The following SEC24D variants were observed in gnomAD, a reference collection of about 807,000 sequenced individuals.
The protein encoded by SEC24D is protein transport protein Sec24D.
Under a neutral mutation model 116.9 loss-of-function variants are expected in SEC24D, and 69 were observed. The ratio of observed to expected loss-of-function variants is 0.59; its 90% CI spans 0.49 to 0.72. The LOEUF is 0.72. Among genes scored for constraint, SEC24D ranks in the 30% least tolerant of loss-of-function variants. SEC24D has a pLI of 0.00. For missense variants in SEC24D, 1,131 were observed against 1,264.1 expected, an observed-to-expected ratio of 0.89 and a Z score of 1.60; for synonymous variants, 405 against 442.8, an observed-to-expected ratio of 0.91 and a Z score of 1.07.
chr4:118,791,228 G>T (rs1728879925), intron 8 of SEC24D, among the ~76,000 whole-genome samples: 1 of 152,152 alleles, frequency 6.6e-6, no homozygotes, highest in South Asian at 2.1e-4. Flanking sequence ...CGTTAAGTTT[G>T]AGGTTTCTAT....
intron 8 of SEC24D, among the ~76,000 whole-genome samples, chr4:118,783,288 C>T (rs1439502808): frequency 6.6e-6 from 1 of 152,184 alleles, no homozygotes. Context: ...ATCAGGCCTG[C>T]CCTGAATACC....
chr4:118,808,812 T>C (rs1729779902), intron 6 of SEC24D, among the ~76,000 whole-genome samples: 1 of 152,086 alleles, frequency 6.6e-6, no homozygotes, highest in Admixed American at 6.5e-5. Context: ...TCTGGGTTCA[T>C]AAAACAGAAT....
At chr4:118,780,627 C>A (rs544947981) in intron 8 of SEC24D, among the ~76,000 whole-genome samples, 9 of 152,246 alleles carry the variant, frequency 5.9e-5, no homozygotes, top group African/African-American at 2.2e-4. Context: ...CTGCTTGGTG[C>A]AGAGCTGAGT....
In SEC24D at chr4:118,723,352, T is replaced by C. The variant is rs1725239765; in HGVS notation, c.*163A>G. The C allele has an allele frequency of 1.6e-6, 1 of 632,402 alleles. No homozygotes were observed. 39.2% of individuals were successfully genotyped at this position (632,402 alleles called of 1,614,324 possible). A position where few individuals can be genotyped will look rare whatever the true frequency, so the allele number is the denominator to read the frequency against. On this transcript the variant is annotated 3_prime_UTR_variant, in exon 23 of 23. Coordinates refer to ENST00000280551, the MANE Select transcript of SEC24D (RefSeq NM_014822.4). Reference sequence around the variant, plus strand: ...TACAATTGTACCTTAATTGGCTTTATACCTGAGCACCAAAGCTGAAGTTCT... The same window carrying C: ...TACAATTGTACCTTAATTGGCTTTACACCTGAGCACCAAAGCTGAAGTTCT...
At chr4:118,785,640 C>G (rs1186521933) in intron 8 of SEC24D, among the ~76,000 whole-genome samples, 2 of 152,104 alleles carry the variant, frequency 1.3e-5, no homozygotes, top group Non-Finnish European at 2.9e-5. Context: ...TATGGTGATG[C>G]TTATAATTTG....
chr4:118,834,256 G>A (rs1242397173), intron 1 of SEC24D, among the ~76,000 whole-genome samples: 1 of 152,182 alleles, frequency 6.6e-6, no homozygotes, highest in Admixed American at 6.5e-5. Context: ...AACAGACAAC[G>A]TTGATAATGG....
Position 118,744,985 on chromosome 4 carries a change from T to C in SEC24D, c.1783A>G (p.Asn595Asp). ...TTAACCAGTTTTTTGTCATCTCTGT[T>C]TTTGAGCTTCCCTGGTGCTTCAGCA... is the stretch of plus-strand genomic sequence containing the variant. ...PTAEAPGKLK[N>D]RDDKKLVNTD... Residue 595 changes from asparagine (N) to aspartate (D), a missense_variant, in exon 14 of 23, where the codon AAC becomes GAC. Coordinates refer to ENST00000280551, the MANE Select transcript of SEC24D (RefSeq NM_014822.4). 1 of 1,613,128 alleles carries C rather than the reference T, an allele frequency of 6.2e-7. No homozygotes were observed. The highest frequency in any genetic ancestry group is 8.5e-7 in the Non-Finnish European group (1 of 1,179,454).
At chr4:118,830,081 T>C (rs933541104) in intron 2 of SEC24D, among the ~76,000 whole-genome samples, 4 of 152,202 alleles carry the variant, frequency 2.6e-5, no homozygotes, top group Admixed American at 6.5e-5. Flanking sequence ...ATCAGAGATA[T>C]AAGAGCTGGA....
intron 19 of SEC24D, 52 bp from the exon 20 acceptor site, chr4:118,732,964 T>C (rs1725771628): frequency 7.0e-7 from 1 of 1,424,388 alleles, no homozygotes; most frequent in African/African-American, 1.4e-5. Flanking sequence ...TGAGAACAAT[T>C]CCCTGAGCTT....
At chr4:118,827,234 C>T (rs1294383208) in intron 2 of SEC24D, among the ~76,000 whole-genome samples, 1 of 152,122 alleles carries the variant, frequency 6.6e-6, no homozygotes, top group Non-Finnish European at 1.5e-5. Flanking sequence ...CTGCAAAGTC[C>T]TATGTGTCAC....
intron 8 of SEC24D, among the ~76,000 whole-genome samples, chr4:118,788,818 T>G (rs771300759): frequency 5.9e-5 from 9 of 152,160 alleles, no homozygotes; most frequent in Non-Finnish European, 1.2e-4. Context: ...CTAAAAAAAA[T>G]TAGAGGCCTA....
chr4:118,797,550 C>G, intron 8 of SEC24D, 133 bp downstream of exon 8: 1 of 704,408 alleles, frequency 1.4e-6, no homozygotes, highest in Non-Finnish European at 2.1e-6. Context: ...AATTCAATTA[C>G]TAGATGTTTT....
rs750677983 is a variant in SEC24D, at chr4:118,723,612, C to T, written c.3002G>A (p.Arg1001Gln). 153 of 1,613,450 alleles carry T rather than the reference C, an allele frequency of 9.5e-5. No homozygotes were observed. The South Asian group carries it at 1.0e-3, about 11-fold the overall frequency. The change falls in exon 23 of 23, where the codon CGA (arginine) becomes CAA (glutamine). Residue 1001 changes from arginine (R) to glutamine (Q), a missense_variant. By Grantham distance (43) the Arg-to-Gln change is conservative. Coordinates refer to ENST00000280551, the MANE Select transcript of SEC24D (RefSeq NM_014822.4). ...TCCTTTGTCTTCTACCAGGAACTGT[C>T]GGAAAACCATTTCTGGTTGTTCTCG... ...KQREQPEMVFRQFLVEDKGLY... is the reference protein window; with the variant it reads ...KQREQPEMVFQQFLVEDKGLY...
chr4:118,782,440 C>G (rs551987594), intron 8 of SEC24D, among the ~76,000 whole-genome samples: 4 of 152,214 alleles, frequency 2.6e-5, no homozygotes, highest in Admixed American at 6.5e-5. Context: ...TATTGCAGAA[C>G]AGCAAATATT....
Position 118,737,527 on chromosome 4 carries a change from A to C in SEC24D, c.2496+734T>G, listed in dbSNP as rs1726022292. On this transcript the variant is annotated intron_variant, in intron 19 of 22. Transcript: ENST00000280551. ...TGTCCTCTCAGCACTCACTTTTGACAATGAATGAACTAGAAAGTTTTCCCA... is the reference window on the plus strand; with the variant it reads ...TGTCCTCTCAGCACTCACTTTTGACCATGAATGAACTAGAAAGTTTTCCCA... Among the ~76,000 whole-genome samples, 3 of 152,170 alleles carry C rather than the reference A, an allele frequency of 2.0e-5. No homozygotes were observed. In the South Asian group the frequency reaches 6.2e-4, roughly 31 times the overall value.
At chr4:118,820,372 G>T (rs533361511) in intron 3 of SEC24D, among the ~76,000 whole-genome samples, 10 of 151,988 alleles carry the variant, frequency 6.6e-5, no homozygotes, top group Non-Finnish European at 1.3e-4. Context: ...GTAGAGACAG[G>T]GTTTCACCAT....
chr4:118,784,229 G>A (rs1396572573), intron 8 of SEC24D, among the ~76,000 whole-genome samples: 1 of 151,922 alleles, frequency 6.6e-6, no homozygotes, highest in Non-Finnish European at 1.5e-5. Context: ...AAAAACAGAT[G>A]ATCAATTCAA....
chr4:118,823,145 C>T (rs1730464491), intron 3 of SEC24D, among the ~76,000 whole-genome samples: 1 of 152,184 alleles, frequency 6.6e-6, no homozygotes, highest in South Asian at 2.1e-4. Flanking sequence ...CTCTTCCTCT[C>T]TTGCCTTTCT....
intron 8 of SEC24D, among the ~76,000 whole-genome samples, chr4:118,775,152 T>C (rs1189330919): frequency 6.6e-6 from 1 of 152,062 alleles, no homozygotes; most frequent in African/African-American, 2.4e-5. Flanking sequence ...ATCACACTAT[T>C]TTACTTTTCA....
Sources: allele counts gnomAD v4.1 joint callset (sites outside exome capture counted in the v4.1 genomes callset), GRCh38; gene constraint gnomAD v4.1.1; transcripts MANE v1.5; gene names NCBI Gene and HGNC (gene_info 2026-07-23, HGNC 2026-07-21).